Variants in ALDH2 observed in about 807,000 individuals in gnomAD.
ALDH2 encodes aldehyde dehydrogenase, mitochondrial.
ALDH2 carries 44 observed loss-of-function variants against 59.6 expected under a neutral mutation model. The ratio of observed to expected loss-of-function variants is 0.74; its 90% CI spans 0.58 to 0.95. The LOEUF is 0.95. Among genes scored for constraint, ALDH2 ranks in the 40% least tolerant of loss-of-function variants. The pLI is 0.00. For synonymous variants in ALDH2, 291 were observed against 284.0 expected (o/e 1.02, Z -0.25); for missense variants, 570 against 696.3 (o/e 0.82, Z 2.04).
At position 111,800,046 on chromosome 12, in the gene ALDH2, C is replaced by T. The variant is rs536321330; in HGVS notation, c.1389C>T (p.Leu463=). The T allele has an allele frequency of 3.7e-6, 6 of 1,612,762 alleles. No individual in the cohort carries two copies. Among genetic ancestry groups the T allele is most frequent in the African/African-American group, 1.3e-5 (1 of 75,052 alleles). ...AGGCCAATTACCTGTCCCAGGCCCT[C>T]CAGGCGGGCACTGTGTGGTAAGAGC... is the stretch of plus-strand genomic sequence containing the variant. The part of the protein sequence containing the change: ...LDKANYLSQA[L]QAGTVWVNCY... Residue 463 remains leucine (L), a synonymous_variant, in exon 11 of 13, where the codon CTC becomes CTT. Transcript: ENST00000261733.
intron 12 of ALDH2, 84 bp from the exon 13 acceptor site, chr12:111,809,459 C>A: frequency 3.4e-6 from 5 of 1,485,642 alleles, no homozygotes; most frequent in Non-Finnish European, 4.7e-6. Flanking sequence ...CCTTTCTGCT[C>A]ACACTTAGTC....
intron 1 of ALDH2, among the ~76,000 whole-genome samples, chr12:111,778,257 A>ATAT (rs2068247582): frequency 6.6e-6 from 1 of 152,192 alleles, no homozygotes; most frequent in South Asian, 2.1e-4. Flanking sequence ...AAAAGAGCCC[A>ATAT]TATTCGGCCA....
intron 12 of ALDH2, among the ~76,000 whole-genome samples, chr12:111,806,036 G>T (rs1440401600): frequency 6.9e-6 from 1 of 145,250 alleles, no homozygotes; most frequent in African/African-American, 2.6e-5. Context: ...AAAACAGGCC[G>T]GGCGCAGTGG....
chr12:111,766,968 C>G lies in ALDH2; in HGVS notation c.-15C>G. 2 of 1,519,702 alleles carry G rather than the reference C, an allele frequency of 1.3e-6. No individual in the cohort carries two copies. The highest frequency in any genetic ancestry group is 8.8e-7 in the Non-Finnish European group (1 of 1,140,226). 94.1% of individuals were successfully genotyped at this position (1,519,702 alleles called of 1,614,324 possible). On this transcript the variant is annotated 5_prime_UTR_variant, in exon 1 of 13. Coordinates refer to ENST00000261733, the MANE Select transcript of ALDH2 (RefSeq NM_000690.4). ...CTCTGCTCTCGGTCCGCTCGCTGTCCGCTAGCCCGCTGCGATGTTGCGCGC... is the reference window on the plus strand; with the variant it reads ...CTCTGCTCTCGGTCCGCTCGCTGTCGGCTAGCCCGCTGCGATGTTGCGCGC...
At chr12:111,802,528 C>G (rs1006213651) in intron 11 of ALDH2, among the ~76,000 whole-genome samples, 1 of 151,542 alleles carries the variant, frequency 6.6e-6, no homozygotes, top group African/African-American at 2.4e-5. Context: ...TTGCAGTGAG[C>G]CGAGATCGCA....
At chr12:111,801,630 C>T (rs1031240156) in intron 11 of ALDH2, among the ~76,000 whole-genome samples, 17 of 148,684 alleles carry the variant, frequency 1.1e-4, no homozygotes, top group Non-Finnish European at 2.2e-4. Flanking sequence ...ACCTGGGAGG[C>T]GGAGATTGCA....
intron 12 of ALDH2, among the ~76,000 whole-genome samples, chr12:111,806,392 A>G (rs1231286256): frequency 2.0e-5 from 3 of 152,238 alleles, no homozygotes; most frequent in African/African-American, 7.2e-5. Flanking sequence ...TGTGAATACT[A>G]ATTATAGTTT....
chr12:111,809,662 G>C lies in ALDH2; in HGVS notation c.*87G>C. 6.9e-7 allele frequency: 1 copy of C among 1,455,446 alleles called. No homozygotes were observed. The highest frequency in any genetic ancestry group is 2.3e-5 in the East Asian group (1 of 44,060). The allele number at this position is 1,455,446 out of a possible 1,614,324, so 90.2% of individuals were successfully genotyped here. On this transcript the variant is annotated 3_prime_UTR_variant, in exon 13 of 13. Transcript: ENST00000261733. ...CCAAGAAAAATGATCCTTGCGTGCT[G>C]AATATCTGAAAAGAGAAATTTTTCC...
At chr12:111,791,011 TGCA>T (rs2068354207) in intron 6 of ALDH2, among the ~76,000 whole-genome samples, 1 of 152,156 alleles carries the variant, frequency 6.6e-6, no homozygotes, top group Admixed American at 6.5e-5. Context: ...ATCACACCAC[TGCA>T]CTCCAGCCTG....
At chr12:111,790,337 C>T (rs1001547573) in intron 5 of ALDH2, 97 bp from the exon 6 acceptor site, 3 of 1,511,298 alleles carry the variant, frequency 2.0e-6, no homozygotes, top group Admixed American at 1.7e-5. Flanking sequence ...TCAGAGAACT[C>T]GGTGCTGCTT....
intron 1 of ALDH2, among the ~76,000 whole-genome samples, chr12:111,768,777 G>A (rs1025919421): frequency 2.6e-5 from 4 of 152,098 alleles, no homozygotes; most frequent in African/African-American, 9.7e-5. Context: ...CTAGGATTTC[G>A]AGACCAGCCT....
chr12:111,792,735 C>T lies in ALDH2; in HGVS notation c.1036C>T (p.Arg346Trp), dbSNP rs776126532. ...VERSVARAKSRVVGNPFDSKT... is the reference protein window; with the variant it reads ...VERSVARAKSWVVGNPFDSKT... ...GCGGAGCGTTGCCCGGGCCAAGTCT[C>T]GGGTGGTCGGGAACCCCTTTGATAG... is the stretch of plus-strand genomic sequence containing the variant. The change falls in exon 9 of 13, where the codon CGG becomes TGG. Residue 346 changes from arginine to tryptophan, a missense_variant. Physicochemically the swap from Arg to Trp is moderately radical, Grantham distance 101. Coordinates refer to ENST00000261733, the MANE Select transcript of ALDH2 (RefSeq NM_000690.4). The T allele has an allele frequency of 5.7e-6, 9 of 1,567,514 alleles. No homozygotes were observed. In the East Asian group the frequency reaches 9.5e-5, roughly 17 times the overall value.
intron 9 of ALDH2, among the ~76,000 whole-genome samples, chr12:111,795,314 G>C (rs570153649): frequency 3.3e-5 from 5 of 152,010 alleles, no homozygotes; most frequent in Admixed American, 3.3e-4. Context: ...AGACCGTCTC[G>C]CTCTGTCACC....
At chr12:111,792,351 T>C (rs527802218) in intron 8 of ALDH2, among the ~76,000 whole-genome samples, 188 bp downstream of exon 8, 1 of 152,386 alleles carries the variant, frequency 6.6e-6, no homozygotes, top group African/African-American at 2.4e-5. Context: ...TCTCCCTGGC[T>C]GCTCTCTGCA....
rs1403290992 is a variant in ALDH2, at chr12:111,815,506, T to G, written c.*5931T>G. The G allele has an allele frequency of 6.6e-6, 1 of 152,118 alleles. No individual in the cohort carries two copies. Among genetic ancestry groups the G allele is most frequent in the African/African-American group, 2.4e-5 (1 of 41,416 alleles). 9.4% of individuals were successfully genotyped at this position (152,118 alleles called of 1,614,324 possible). On this transcript the variant is annotated 3_prime_UTR_variant, in exon 13 of 13. Coordinates refer to ENST00000261733, the MANE Select transcript of ALDH2 (RefSeq NM_000690.4). ...ACATATATTAGAGTGAGAGCATAGATGTGATGCCTGGCGATATGGCTTACT... is the reference window on the plus strand; with the variant it reads ...ACATATATTAGAGTGAGAGCATAGAGGTGATGCCTGGCGATATGGCTTACT...
rs183058499 is a variant in ALDH2, at chr12:111,776,240, A to G, written c.115-5678A>G. On this transcript the variant is annotated intron_variant, in intron 1 of 12. Transcript: ENST00000261733. ...AATTTAGTATGCTTTGGTGCAGGGA[A>G]CAACATAAAGAGTATAGACCTGGCC... 1.1e-4 allele frequency among the ~76,000 whole-genome samples: 17 copies of G among 152,308 alleles called. 1 individual carries two copies. In the East Asian group the frequency reaches 1.7e-3, roughly 16 times the overall value.
intron 12 of ALDH2, among the ~76,000 whole-genome samples, chr12:111,806,128 A>G (rs766526384): frequency 2.6e-5 from 4 of 151,938 alleles, no homozygotes; most frequent in Non-Finnish European, 5.9e-5. Flanking sequence ...CCTGGCTAAC[A>G]TGGTGAAACC....
rs34634862 is a variant in ALDH2 at position 111,814,537 on chromosome 12, C to CAA, written c.*4981_*4982dup. On this transcript the variant is annotated 3_prime_UTR_variant, in exon 13 of 13. Coordinates refer to ENST00000261733, the MANE Select transcript of ALDH2 (RefSeq NM_000690.4). The stretch of plus-strand genomic sequence containing the variant: ...CCTGGGTGACAGAACGAGACTGTCT[C>CAA]AAAAAAAAAAAAAAAAAAAAGTGGC... 43 of 56,288 alleles carry CAA rather than the reference C, an allele frequency of 7.6e-4. No individual in the cohort carries two copies. Among genetic ancestry groups the CAA allele is most frequent in the South Asian group, 4.2e-3 (8 of 1,894 alleles). 3.5% of individuals were successfully genotyped at this position (56,288 alleles called of 1,614,324 possible).
intron 12 of ALDH2, 88 bp from the exon 13 acceptor site, chr12:111,809,455 T>A: frequency 2.8e-6 from 4 of 1,451,478 alleles, no homozygotes; most frequent in Non-Finnish European, 3.8e-6. Flanking sequence ...AAGCCCTTTC[T>A]GCTCACACTT....
Sources: allele counts gnomAD v4.1 joint callset (sites outside exome capture counted in the v4.1 genomes callset), GRCh38; gene constraint gnomAD v4.1.1; transcripts MANE v1.5; gene names NCBI Gene and HGNC (gene_info 2026-07-23, HGNC 2026-07-21).